The following LAMA2 variants were observed in gnomAD, a reference collection of about 807,000 sequenced individuals.
LAMA2 encodes the protein laminin subunit alpha-2.
LAMA2 carries 269 observed loss-of-function variants against 364.8 expected under a neutral mutation model. The ratio of observed to expected loss-of-function variants is 0.74; its 90% CI spans 0.67 to 0.82. The LOEUF is 0.82. Ranked by LOEUF, LAMA2 falls within the 40% of genes least tolerant of loss-of-function variation. LAMA2 has a pLI of 0.00. For missense variants in LAMA2, 3,807 were observed against 3,873.2 expected, an observed-to-expected ratio of 0.98 and a Z score of 0.45; for synonymous variants, 1,379 against 1,370.6, an observed-to-expected ratio of 1.01 and a Z score of -0.14.
intron 13 of LAMA2, among the ~76,000 whole-genome samples, chr6:129,251,357 G>T (rs1005522734): frequency 6.6e-6 from 1 of 151,734 alleles, no homozygotes; most frequent in Non-Finnish European, 1.5e-5. Flanking sequence ...TCAGTTTTAA[G>T]TTTCTTTCCC....
chr6:129,295,977 C>G (rs902623459), intron 20 of LAMA2, among the ~76,000 whole-genome samples: 3 of 151,502 alleles, frequency 2.0e-5, no homozygotes, highest in African/African-American at 7.3e-5. Flanking sequence ...GTTTGTGTGT[C>G]TGGTGGTATG....
intron 44 of LAMA2, among the ~76,000 whole-genome samples, chr6:129,443,623 C>T (rs372919126): frequency 8.5e-5 from 13 of 152,100 alleles, no homozygotes; most frequent in African/African-American, 2.9e-4. Context: ...TTTTCCTCTC[C>T]TTGTAATTAT....
chr6:128,969,485 G>A (rs1307801517), intron 1 of LAMA2, among the ~76,000 whole-genome samples: 1 of 152,212 alleles, frequency 6.6e-6, no homozygotes, highest in East Asian at 1.9e-4. Flanking sequence ...AGGCTGGAGT[G>A]TAGTGGTGTG....
chr6:129,396,187 T>G (rs1779606562), intron 37 of LAMA2, among the ~76,000 whole-genome samples: 1 of 152,216 alleles, frequency 6.6e-6, no homozygotes, highest in East Asian at 1.9e-4. Context: ...TACATATCTG[T>G]CAGGTACCTA....
rs183051540 is a variant in LAMA2, at chr6:128,974,874, A to T, written c.113-75044A>T. On this transcript the variant is annotated intron_variant, in intron 1 of 64. Coordinates refer to ENST00000421865, the MANE Select transcript of LAMA2 (RefSeq NM_000426.4). ...AACAATTTTTTTTTTTTTTTTGAGA[A>T]GGAGTCTCACTCTGTTGCCCAGGCT... Among the ~76,000 whole-genome samples the T allele has an allele frequency of 7.3e-3, 1,093 of 149,024 alleles. 15 individuals are homozygous for T. The highest frequency in any genetic ancestry group is 0.024 in the Middle Eastern group (7 of 294).
intron 1 of LAMA2, among the ~76,000 whole-genome samples, chr6:129,044,444 A>G (rs771605830): frequency 4.6e-5 from 7 of 152,000 alleles, no homozygotes; most frequent in Non-Finnish European, 8.8e-5. Flanking sequence ...TCCAAATAAA[A>G]ACAGTGGAAG....
At position 129,393,136 on chromosome 6, in the gene LAMA2, C is replaced by A. The variant is rs1779414370; in HGVS notation, c.5326C>A (p.Leu1776Met). Residue 1776 changes from leucine (L) to methionine (M), a missense_variant, in exon 37 of 65, where the codon CTG becomes ATG. Transcript: ENST00000421865. ...EEMEKDLREK[L>M]ADYKNKVDDA... ...AATGGAGAAGGATCTCCGGGAAAAACTGGCTGACTACAAAAACAAAGTTGA... is the reference window on the plus strand; with the variant it reads ...AATGGAGAAGGATCTCCGGGAAAAAATGGCTGACTACAAAAACAAAGTTGA... 1.9e-6 allele frequency: 3 copies of A among 1,613,968 alleles called. No individual in the cohort carries two copies. The highest frequency in any genetic ancestry group is 2.5e-6 in the Non-Finnish European group (3 of 1,179,922).
chr6:129,268,987 C>T (rs1342270393), intron 16 of LAMA2, among the ~76,000 whole-genome samples: 1 of 152,030 alleles, frequency 6.6e-6, no homozygotes, highest in Non-Finnish European at 1.5e-5. Flanking sequence ...GTTCAGCTGA[C>T]CCTGCATTTT....
chr6:129,119,872 G>A (rs981656868), intron 4 of LAMA2, among the ~76,000 whole-genome samples: 5 of 152,136 alleles, frequency 3.3e-5, no homozygotes, highest in African/African-American at 1.2e-4. Context: ...GATATGCACT[G>A]GCACAAAATT....
At chr6:129,121,964 T>C (rs893708964) in intron 4 of LAMA2, among the ~76,000 whole-genome samples, 5 of 152,098 alleles carry the variant, frequency 3.3e-5, no homozygotes, top group Non-Finnish European at 1.5e-5. Flanking sequence ...AAAATAAAAT[T>C]TGTGATTATG....
intron 1 of LAMA2, among the ~76,000 whole-genome samples, chr6:128,989,940 C>T (rs1783502924): frequency 6.6e-6 from 1 of 152,150 alleles, no homozygotes; most frequent in South Asian, 2.1e-4. Context: ...GGACCTCTTT[C>T]AGACGCTGGT....
At chr6:128,883,887 G>A (rs1775994467) in intron 1 of LAMA2, among the ~76,000 whole-genome samples, 1 of 151,068 alleles carries the variant, frequency 6.6e-6, no homozygotes, top group African/African-American at 2.4e-5. Context: ...TTTTAAAACA[G>A]GATTTCTAAA....
intron 12 of LAMA2, among the ~76,000 whole-genome samples, chr6:129,248,237 T>G (rs1320446061): frequency 6.6e-6 from 1 of 152,198 alleles, no homozygotes; most frequent in African/African-American, 2.4e-5. Flanking sequence ...CCCTCCTCTG[T>G]GTCCATGGAA....
intron 37 of LAMA2, among the ~76,000 whole-genome samples, chr6:129,397,938 G>GAAAAAAAAAAAAAAAAAAAAAAAA (rs58131786): frequency 1.9e-5 from 2 of 103,534 alleles, no homozygotes; most frequent in Non-Finnish European, 1.9e-5. Context: ...CTCCGTCTCA[G>GAAAAAAAAAAAAAAAAAAAAAAAA]AAAAAAAAAA....
chr6:129,220,087 G>C (rs1783720959), intron 12 of LAMA2, among the ~76,000 whole-genome samples: 1 of 152,126 alleles, frequency 6.6e-6, no homozygotes, highest in Non-Finnish European at 1.5e-5. Context: ...GAAAAAATTT[G>C]CATTTACCAA....
intron 4 of LAMA2, among the ~76,000 whole-genome samples, chr6:129,120,435 A>C (rs1255708349): frequency 6.6e-6 from 1 of 152,212 alleles, no homozygotes; most frequent in Non-Finnish European, 1.5e-5. Context: ...GTGCTAATTC[A>C]TTTTGAGCTT....
intron 3 of LAMA2, among the ~76,000 whole-genome samples, chr6:129,092,122 C>T (rs143047379): frequency 1.5e-4 from 23 of 152,320 alleles, no homozygotes; most frequent in African/African-American, 5.1e-4. Context: ...TGCCCTGCTG[C>T]AGCTACTCAG....
chr6:129,348,062 G>A (rs185041743), intron 30 of LAMA2, among the ~76,000 whole-genome samples: 136 of 152,314 alleles, frequency 8.9e-4, no homozygotes, highest in Middle Eastern at 3.4e-3. Context: ...GTGCATGTGC[G>A]TGAGTGTGCA....
chr6:129,129,923 C>CAA (rs543305057), intron 4 of LAMA2, among the ~76,000 whole-genome samples: 3,424 of 75,898 alleles, frequency 0.045, 128 homozygotes, highest in African/African-American at 0.097. Context: ...GATTCCGTCT[C>CAA]AAAAAAAAAA....
Sources: allele counts gnomAD v4.1 joint callset (sites outside exome capture counted in the v4.1 genomes callset), GRCh38; gene constraint gnomAD v4.1.1; transcripts MANE v1.5; gene names NCBI Gene and HGNC (gene_info 2026-07-23, HGNC 2026-07-21).